The following CSMD1 variants were observed in gnomAD, a reference collection of about 807,000 sequenced individuals.
CSMD1 encodes CUB and Sushi multiple domains 1, also known as CUB and sushi domain-containing protein 1.
A neutral mutation model predicts 417.5 loss-of-function variants in CSMD1; 213 were observed. That is an observed-to-expected ratio of 0.51 (90% confidence interval 0.46 to 0.57). The LOEUF is 0.57. CSMD1 is among the 20% of genes least tolerant of loss of function. The probability of loss-of-function intolerance (pLI) is 0.00; values close to 1 mark genes in which losing one functional copy is unlikely to be tolerated. For missense variants in CSMD1, 6,923 were observed against 4,529.7 expected (o/e 1.53, Z -15.17); for synonymous variants, 2,862 against 1,736.8 (o/e 1.65, Z -16.11).
intron 1 of CSMD1, among the ~76,000 whole-genome samples, chr8:4,666,018 G>C (rs1331791826): frequency 6.6e-6 from 1 of 152,126 alleles, no homozygotes; most frequent in Non-Finnish European, 1.5e-5. Flanking sequence ...AGCACTTGTT[G>C]TTGTCATTTT....
intron 50 of CSMD1, among the ~76,000 whole-genome samples, chr8:3,050,542 A>G (rs950210915): frequency 6.6e-6 from 1 of 152,206 alleles, no homozygotes; most frequent in Non-Finnish European, 1.5e-5. Context: ...TCCTATTTTG[A>G]GAGAATAGTT....
chr8:2,998,404 A>C (rs772416349), intron 53 of CSMD1, among the ~76,000 whole-genome samples: 13 of 152,202 alleles, frequency 8.5e-5, no homozygotes, highest in Non-Finnish European at 1.3e-4. Context: ...GGAAAATAAC[A>C]AACACCTGCC....
intron 2 of CSMD1, among the ~76,000 whole-genome samples, chr8:4,466,926 GA>G (rs1800207395): frequency 6.6e-6 from 1 of 151,800 alleles, no homozygotes; most frequent in Non-Finnish European, 1.5e-5. Context: ...TTACAGCATT[GA>G]AATTAGAATT....
At chr8:4,294,145 C>T (rs539688333) in intron 3 of CSMD1, among the ~76,000 whole-genome samples, 3 of 152,236 alleles carry the variant, frequency 2.0e-5, no homozygotes, top group African/African-American at 4.8e-5. Flanking sequence ...TCTGATTAAC[C>T]CCGACCAGCA....
intron 3 of CSMD1, among the ~76,000 whole-genome samples, chr8:4,380,240 T>C (rs1459468845): frequency 1.3e-5 from 2 of 152,152 alleles, no homozygotes; most frequent in South Asian, 4.1e-4. Flanking sequence ...AGAGTAACCT[T>C]GCAGTGGACA....
At chr8:2,960,023 C>T (rs1481693120) in intron 62 of CSMD1, among the ~76,000 whole-genome samples, 23 of 152,122 alleles carry the variant, frequency 1.5e-4, no homozygotes, top group Admixed American at 1.5e-3. Flanking sequence ...AACTATGTTG[C>T]TAAATACAGT....
chr8:4,946,533 C>T (rs944020731), intron 1 of CSMD1, among the ~76,000 whole-genome samples: 2 of 152,078 alleles, frequency 1.3e-5, no homozygotes, highest in Non-Finnish European at 2.9e-5. Flanking sequence ...TCTAACCAGG[C>T]CTGAAGCATG....
intron 3 of CSMD1, among the ~76,000 whole-genome samples, chr8:4,358,922 A>G (rs1584952885): frequency 1.3e-5 from 2 of 152,268 alleles, no homozygotes; most frequent in South Asian, 4.1e-4. Context: ...TATTAAAAAA[A>G]CTGAATAATT....
At chr8:3,896,793 A>G (rs976097621) in intron 5 of CSMD1, among the ~76,000 whole-genome samples, 30 of 152,076 alleles carry the variant, frequency 2.0e-4, no homozygotes, top group Admixed American at 7.9e-4. Flanking sequence ...ATTGTCTGAG[A>G]GTCTGAATTG....
intron 7 of CSMD1, among the ~76,000 whole-genome samples, chr8:3,642,815 A>G (rs547640037): frequency 4.0e-4 from 61 of 152,234 alleles, no homozygotes; most frequent in African/African-American, 1.4e-3. Flanking sequence ...GAACCCCCAG[A>G]GATGAAATTA....
intron 4 of CSMD1, among the ~76,000 whole-genome samples, chr8:4,011,079 G>A (rs1187263988): frequency 1.3e-5 from 2 of 152,082 alleles, no homozygotes; most frequent in African/African-American, 2.4e-5. Flanking sequence ...GATGACTTTG[G>A]TTTCCATTTC....
intron 3 of CSMD1, among the ~76,000 whole-genome samples, chr8:4,250,447 A>G (rs988223073): frequency 4.6e-5 from 7 of 152,150 alleles, no homozygotes; most frequent in African/African-American, 1.7e-4. Flanking sequence ...CATGCGTAAT[A>G]CATGAGTGAT....
Position 3,812,212 on chromosome 8 carries a change from G to A in CSMD1, c.819-58170C>T, listed in dbSNP as rs538773259. On this transcript the variant is annotated intron_variant, in intron 5 of 69. Transcript: ENST00000635120. ...AGAGACCACATACAAACAATATATC[G>A]TTTGTACTCAAAAGATACAGGAAAG... 3.3e-3 allele frequency among the ~76,000 whole-genome samples: 506 copies of A among 152,124 alleles called. 3 individuals carry two copies. The highest frequency in any genetic ancestry group is 6.8e-3 in the Middle Eastern group (2 of 294).
chr8:3,111,656 A>T (rs774094019), intron 42 of CSMD1, among the ~76,000 whole-genome samples: 2 of 151,966 alleles, frequency 1.3e-5, no homozygotes, highest in Non-Finnish European at 2.9e-5. Flanking sequence ...ACATGGGGAA[A>T]CCCTAACTCT....
chr8:2,993,601 G>A (rs969463414), intron 54 of CSMD1, among the ~76,000 whole-genome samples: 1 of 152,120 alleles, frequency 6.6e-6, no homozygotes, highest in Admixed American at 6.5e-5. Flanking sequence ...CAAGAATAAA[G>A]CTGAATTTTC....
chr8:4,295,896 T>A (rs891790637), intron 3 of CSMD1, among the ~76,000 whole-genome samples: 2 of 150,996 alleles, frequency 1.3e-5, no homozygotes, highest in Admixed American at 6.6e-5. Context: ...CTTTTCTCCA[T>A]TGCCTGCTTC....
At chr8:4,306,104 G>A (rs1798228808) in intron 3 of CSMD1, among the ~76,000 whole-genome samples, 1 of 152,124 alleles carries the variant, frequency 6.6e-6, no homozygotes, top group Non-Finnish European at 1.5e-5. Context: ...ATCTTCTTTT[G>A]CTTTTTAAAT....
chr8:4,069,589 C>A (rs1202236473), intron 3 of CSMD1, among the ~76,000 whole-genome samples: 1 of 152,182 alleles, frequency 6.6e-6, no homozygotes, highest in African/African-American at 2.4e-5. Context: ...GTATCTTGGG[C>A]CAGTGGCCAC....
At chr8:2,955,483 T>C in intron 64 of CSMD1, 106 bp downstream of exon 64, 1 of 1,088,056 alleles carries the variant, frequency 9.2e-7, no homozygotes, top group Admixed American at 2.3e-5. Context: ...TGCTGCAGCC[T>C]CATGCTCTTA....
Sources: gnomAD v4.1 joint callset for allele counts (sites outside exome capture counted in the v4.1 genomes callset) on GRCh38, gnomAD v4.1.1 for gene constraint, MANE v1.5 for transcripts, NCBI Gene and HGNC (gene_info 2026-07-23, HGNC 2026-07-21) for gene names.